S100Z: variants seen among roughly 807,000 people sequenced by gnomAD.
S100Z encodes S100 calcium binding protein Z, also known as protein S100-Z.
Under a neutral mutation model 8.5 loss-of-function variants are expected in S100Z, and 11 were observed. The observed-to-expected ratio is 1.30, with a 90% CI of 0.82 to 2.15. The LOEUF (loss-of-function observed/expected upper bound fraction) is 2.15, where lower values mean the gene tolerates loss of function less well. Among genes scored for constraint, S100Z ranks in the 30% most tolerant of loss-of-function variants. The probability of loss-of-function intolerance (pLI) is 0.00; values close to 1 mark genes in which losing one functional copy is unlikely to be tolerated. For synonymous variants in S100Z, 34 were observed against 43.8 expected, an observed-to-expected ratio of 0.78 and a Z score of 0.89; for missense variants, 126 against 117.9, an observed-to-expected ratio of 1.07 and a Z score of -0.32.
chr5:76,901,397 C>G (rs1347955606), intron 4 of S100Z, among the ~76,000 whole-genome samples: 1 of 152,202 alleles, frequency 6.6e-6, no homozygotes, highest in Non-Finnish European at 1.5e-5. Context: ...TAGAAGTCTA[C>G]CTGGTATTGT....
At chr5:76,919,189 CATTT>C (rs371546793) in intron 4 of S100Z, among the ~76,000 whole-genome samples, 58 of 152,240 alleles carry the variant, frequency 3.8e-4, no homozygotes, top group African/African-American at 1.3e-3. Flanking sequence ...GTTTTTAACT[CATTT>C]AGGTAAATAT....
At chr5:76,924,897 AG>A (rs1745110061), downstream of S100Z, among the ~76,000 whole-genome samples, 1 of 143,038 alleles carries the variant, frequency 7.0e-6, no homozygotes, top group Non-Finnish European at 1.5e-5. Flanking sequence ...TGGGCAACAG[AG>A]CGAGACTCTG....
At chr5:76,914,859 C>T (rs554295422) in intron 4 of S100Z, among the ~76,000 whole-genome samples, 190 of 152,236 alleles carry the variant, frequency 1.2e-3, no homozygotes, top group African/African-American at 4.4e-3. Flanking sequence ...AGCGAGACCA[C>T]GAACCCACCA....
chr5:76,851,768 G>A (rs6897460), intron 1 of S100Z, among the ~76,000 whole-genome samples: 25,100 of 152,074 alleles, frequency 0.17, 4,184 homozygotes, highest in African/African-American at 0.43. Flanking sequence ...TAGGATTTAA[G>A]GTGACATATG....
intron 4 of S100Z, among the ~76,000 whole-genome samples, chr5:76,918,951 C>A (rs1488995370): frequency 6.6e-6 from 1 of 152,188 alleles, no homozygotes; most frequent in African/African-American, 2.4e-5. Flanking sequence ...TGGTACCTAG[C>A]CTTTTCAGAT....
At chr5:76,936,289 C>G in the S100Z span, among the ~76,000 whole-genome samples, 68 of 151,998 alleles carry the variant, frequency 4.5e-4, no homozygotes, top group African/African-American at 1.6e-3. Flanking sequence ...AATCATATTG[C>G]ATCTCTGAAA....
chr5:76,886,804 T>C (rs150537848), intron 4 of S100Z, among the ~76,000 whole-genome samples: 27 of 152,174 alleles, frequency 1.8e-4, no homozygotes, highest in African/African-American at 6.0e-4. Flanking sequence ...TTCTCAAGGA[T>C]AGGGAGAATT....
intron 1 of S100Z, among the ~76,000 whole-genome samples, chr5:76,853,231 A>G (rs367703416): frequency 6.6e-6 from 1 of 152,206 alleles, no homozygotes; most frequent in South Asian, 2.1e-4. Context: ...ATAATCCTCC[A>G]TAGATGGTCT....
chr5:76,899,694 TA>T (rs1300684120), intron 4 of S100Z, among the ~76,000 whole-genome samples: 1 of 152,232 alleles, frequency 6.6e-6, no homozygotes, highest in Non-Finnish European at 1.5e-5. Flanking sequence ...TATCTTATTG[TA>T]TTGACTATGT....
chr5:76,915,021 T>TA (rs1169036795), intron 4 of S100Z, among the ~76,000 whole-genome samples: 1 of 152,164 alleles, frequency 6.6e-6, no homozygotes, highest in Non-Finnish European at 1.5e-5. Context: ...TCCGGACACA[T>TA]AAGGCCGGGC....
chr5:76,936,168 A>T, the S100Z span, among the ~76,000 whole-genome samples: 1 of 152,308 alleles, frequency 6.6e-6, no homozygotes, highest in Non-Finnish European at 1.5e-5. Context: ...TAGGGAATTG[A>T]TAAAATAAAA....
chr5:76,886,565 T>C (rs1017758739), intron 4 of S100Z, among the ~76,000 whole-genome samples: 1 of 152,186 alleles, frequency 6.6e-6, no homozygotes. Context: ...GGAGTCCCGC[T>C]GACCGGGGTC....
At chr5:76,902,778 G>A (rs1294041402) in intron 4 of S100Z, among the ~76,000 whole-genome samples, 1 of 151,996 alleles carries the variant, frequency 6.6e-6, no homozygotes, top group Non-Finnish European at 1.5e-5. Flanking sequence ...TCTTTCCACA[G>A]AACATTAGGA....
At chr5:76,931,544 C>T in the S100Z span, among the ~76,000 whole-genome samples, 1 of 152,158 alleles carries the variant, frequency 6.6e-6, no homozygotes, top group Non-Finnish European at 1.5e-5. Flanking sequence ...GGGCTCCAGC[C>T]TGTGAATTAG....
intron 4 of S100Z, among the ~76,000 whole-genome samples, chr5:76,897,938 T>G (rs1316038226): frequency 1.3e-5 from 2 of 152,164 alleles, no homozygotes; most frequent in East Asian, 3.9e-4. Context: ...ACAAGGATAA[T>G]TTAACTTCTT....
chr5:76,882,019 G>A (rs1743416401), intron 4 of S100Z, among the ~76,000 whole-genome samples: 1 of 152,184 alleles, frequency 6.6e-6, no homozygotes, highest in Non-Finnish European at 1.5e-5. Context: ...TGCAGGATAT[G>A]GAAGGCATAT....
chr5:76,888,007 C>T (rs1401904182), intron 4 of S100Z, among the ~76,000 whole-genome samples: 2 of 151,926 alleles, frequency 1.3e-5, no homozygotes, highest in East Asian at 1.9e-4. Flanking sequence ...TCTGTAATCC[C>T]AGCACTTTGA....
chr5:76,854,154 C>A (rs1750810841), intron 1 of S100Z, among the ~76,000 whole-genome samples: 1 of 152,096 alleles, frequency 6.6e-6, no homozygotes, highest in South Asian at 2.1e-4. Context: ...TCAAGTATTT[C>A]TTTATAGTAG....
intron 4 of S100Z, among the ~76,000 whole-genome samples, chr5:76,904,677 C>T (rs191790112): frequency 1.4e-4 from 22 of 151,828 alleles, no homozygotes; most frequent in Admixed American, 1.2e-3. Flanking sequence ...CTTTTTGGTC[C>T]ACAGGTGTAT....
Sources: gnomAD v4.1 joint callset for allele counts (sites outside exome capture counted in the v4.1 genomes callset) on GRCh38, gnomAD v4.1.1 for gene constraint, MANE v1.5 for transcripts, NCBI Gene and HGNC (gene_info 2026-07-23, HGNC 2026-07-21) for gene names.